Variants in MAT1A observed in about 807,000 individuals in gnomAD.
MAT1A encodes the protein S-adenosylmethionine synthase isoform type-1.
Under a neutral mutation model 44.0 loss-of-function variants are expected in MAT1A, and 19 were observed. That is an observed-to-expected ratio of 0.43 (90% CI 0.30 to 0.63). The LOEUF is 0.63. Among genes scored for constraint, MAT1A ranks in the 30% least tolerant of loss-of-function variants. The pLI is 0.12. For synonymous variants in MAT1A, 205 were observed against 205.6 expected, an observed-to-expected ratio of 1.00 and a Z score of 0.03; for missense variants, 397 against 531.0, an observed-to-expected ratio of 0.75 and a Z score of 2.48.
At chr10:80,275,311 C>G in intron 6 of MAT1A, 112 bp from the exon 7 acceptor site, 3 of 972,050 alleles carry the variant, frequency 3.1e-6, no homozygotes. Flanking sequence ...TGTCCTGGGG[C>G]TGCCCACAGA....
intron 1 of MAT1A, among the ~76,000 whole-genome samples, chr10:80,288,889 G>A (rs569015343): frequency 3.9e-5 from 6 of 152,302 alleles, no homozygotes; most frequent in East Asian, 3.9e-4. Flanking sequence ...CTGTGCTGGC[G>A]TGCTGGTGGT....
chr10:80,283,085 A>C (rs985359859), intron 3 of MAT1A, among the ~76,000 whole-genome samples: 1 of 152,226 alleles, frequency 6.6e-6, no homozygotes, highest in African/African-American at 2.4e-5. Flanking sequence ...TTGCCTGAAC[A>C]TCTAATGCCA....
At chr10:80,288,353 T>A (rs1421402780) in intron 1 of MAT1A, among the ~76,000 whole-genome samples, 1 of 152,178 alleles carries the variant, frequency 6.6e-6, no homozygotes, top group Non-Finnish European at 1.5e-5. Context: ...TCCCAAGACC[T>A]ACTGAATCAG....
chr10:80,284,662 G>T (rs1316302344), intron 2 of MAT1A, among the ~76,000 whole-genome samples: 1 of 152,172 alleles, frequency 6.6e-6, no homozygotes, highest in Non-Finnish European at 1.5e-5. Context: ...TTCACACTGG[G>T]GCACCCTACC....
chr10:80,287,744 T>G (rs1471501955), intron 1 of MAT1A, among the ~76,000 whole-genome samples: 1 of 152,212 alleles, frequency 6.6e-6, no homozygotes, highest in African/African-American at 2.4e-5. Flanking sequence ...TATCTGAGAT[T>G]GAAAATACAG....
rs75628480 is a variant in MAT1A at position 80,275,899 on chromosome 10, C to T, written c.768+477G>A. On this transcript the variant is annotated intron_variant, in intron 6 of 8. Coordinates refer to ENST00000372213, the MANE Select transcript of MAT1A (RefSeq NM_000429.3). The stretch of plus-strand genomic sequence containing the variant: ...AGTGCCCTCAACCTCCACCTCCTCA[C>T]ACTTGCAGTACAAGAGAGGGGGCAG... Among the ~76,000 whole-genome samples the T allele has an allele frequency of 3.0e-3, 461 of 152,322 alleles. 3 individuals are homozygous for T. Among genetic ancestry groups the T allele is most frequent in the African/African-American group, 0.011 (446 of 41,580 alleles).
At position 80,276,390 on chromosome 10, in the gene MAT1A, T is replaced by C; in HGVS notation, c.754A>G (p.Ile252Val). The C allele has an allele frequency of 6.2e-7, 1 of 1,614,116 alleles. No homozygotes were observed. The highest frequency in any genetic ancestry group is 8.5e-7 in the Non-Finnish European group (1 of 1,180,020). The stretch of plus-strand genomic sequence containing the variant: ...CAAGAATGCACCTGGGGACCTCCGA[T>C]GACAAACCGCCCACTGGGCTGCAGG... Reference protein sequence around the residue: ...YHLQPSGRFVIGGPQGDAGVT... With the variant: ...YHLQPSGRFVVGGPQGDAGVT... The change falls in exon 6 of 9, where the codon ATC becomes GTC. Residue 252 changes from isoleucine to valine, a missense_variant. Coordinates refer to ENST00000372213, the MANE Select transcript of MAT1A (RefSeq NM_000429.3).
intron 4 of MAT1A, 52 bp from the exon 5 acceptor site, chr10:80,280,368 C>T (rs779859989): frequency 4.4e-6 from 7 of 1,608,044 alleles, no homozygotes; most frequent in Admixed American, 1.7e-5. Flanking sequence ...AAGAGGACCG[C>T]AGCTCTCTCC....
At chr10:80,280,648 ACACACAGCTCC>A in intron 4 of MAT1A, 21 bp downstream of exon 4, 2 of 1,565,702 alleles carry the variant, frequency 1.3e-6, no homozygotes, top group Non-Finnish European at 1.8e-6. Context: ...AGCCAGCTCA[ACACACAGCTCC>A]CACATGCAGT....
In MAT1A at chr10:80,272,399, C is replaced by T. The variant is rs886047307; in HGVS notation, c.*1382G>A. The T allele has an allele frequency of 3.9e-5, 6 of 152,294 alleles. No individual in the cohort carries two copies. The highest frequency in any genetic ancestry group is 1.4e-4 in the African/African-American group (6 of 41,430). The allele number at this position is 152,294 out of a possible 1,614,324, so 9.4% of individuals were successfully genotyped here. Reference sequence around the variant, plus strand: ...CAAGACCTTAGCAGGCCAAGGACTGCTCAGGCCCCTTGGGAGCAGACCCGC... The same window carrying T: ...CAAGACCTTAGCAGGCCAAGGACTGTTCAGGCCCCTTGGGAGCAGACCCGC... On this transcript the variant is annotated 3_prime_UTR_variant, in exon 9 of 9. Transcript: ENST00000372213.
chr10:80,280,996 TG>T (rs1564647141), intron 3 of MAT1A, among the ~76,000 whole-genome samples: 2 of 152,190 alleles, frequency 1.3e-5, no homozygotes, highest in African/African-American at 4.8e-5. Flanking sequence ...TAGAACTCTT[TG>T]GCCAACCAAA....
At chr10:80,288,567 A>C (rs1005721972) in intron 1 of MAT1A, among the ~76,000 whole-genome samples, 4 of 152,120 alleles carry the variant, frequency 2.6e-5, no homozygotes, top group Admixed American at 6.5e-5. Flanking sequence ...TCAATGCCTA[A>C]ATTTTCTTCC....
At chr10:80,279,489 A>G (rs1385749357) in intron 5 of MAT1A, among the ~76,000 whole-genome samples, 1 of 152,052 alleles carries the variant, frequency 6.6e-6, no homozygotes, top group African/African-American at 2.4e-5. Flanking sequence ...TGCAGTATGA[A>G]GTGCTGGGAA....
At chr10:80,275,249 C>A (rs1451010463) in intron 6 of MAT1A, 50 bp from the exon 7 acceptor site, 2 of 1,507,290 alleles carry the variant, frequency 1.3e-6, no homozygotes, top group Non-Finnish European at 1.8e-6. Flanking sequence ...CCCCTAGATG[C>A]TGGAGGGGGC....
At chr10:80,289,030 C>T (rs568322875) in intron 1 of MAT1A, among the ~76,000 whole-genome samples, 2 of 152,208 alleles carry the variant, frequency 1.3e-5, no homozygotes, top group East Asian at 1.9e-4. Context: ...CCTACAGGTA[C>T]GAAGTTACAG....
intron 1 of MAT1A, among the ~76,000 whole-genome samples, chr10:80,286,366 G>C (rs765100105): frequency 6.6e-6 from 1 of 152,078 alleles, no homozygotes; most frequent in African/African-American, 2.4e-5. Context: ...GCAATGCACC[G>C]TATATAAAAC....
chr10:80,280,818 G>T (rs372190452), intron 3 of MAT1A, 26 bp from the exon 4 acceptor site: 56 of 1,552,426 alleles, frequency 3.6e-5, no homozygotes, highest in Non-Finnish European at 4.6e-5. Flanking sequence ...GTGAGCCTAA[G>T]TGGGGAACAG....
At chr10:80,279,797 G>GACAACACAGAC (rs1275470480) in intron 5 of MAT1A, among the ~76,000 whole-genome samples, 3 of 151,914 alleles carry the variant, frequency 2.0e-5, no homozygotes, top group African/African-American at 4.8e-5. Context: ...AGCACAGACA[G>GACAACACAGAC]ACAACACAGA....
intron 5 of MAT1A, among the ~76,000 whole-genome samples, chr10:80,279,773 G>GAC (rs1252378989): frequency 5.0e-5 from 6 of 120,204 alleles, no homozygotes; most frequent in Non-Finnish European, 5.2e-5. Context: ...ACACAGCACA[G>GAC]ACAGCGCAGA....
Sources: gnomAD v4.1 joint callset for allele counts (sites outside exome capture counted in the v4.1 genomes callset) on GRCh38, gnomAD v4.1.1 for gene constraint, MANE v1.5 for transcripts, NCBI Gene and HGNC (gene_info 2026-07-23, HGNC 2026-07-21) for gene names.